SORCS2: variants seen among roughly 807,000 people sequenced by gnomAD.
SORCS2 encodes VPS10 domain-containing receptor SorCS2.
Under a neutral mutation model 141.6 loss-of-function variants are expected in SORCS2, and 100 were observed. That is an observed-to-expected ratio of 0.71 (90% CI 0.60 to 0.83). SORCS2 has a LOEUF of 0.83. Among genes scored for constraint, SORCS2 ranks in the 40% least tolerant of loss-of-function variants. The pLI is 0.00. For synonymous variants in SORCS2, 789 were observed against 676.9 expected, an observed-to-expected ratio of 1.17 and a Z score of -2.57; for missense variants, 1,646 against 1,560.2, an observed-to-expected ratio of 1.05 and a Z score of -0.93.
At chr4:7,704,083 C>T in intron 13 of SORCS2, 94 bp from the exon 14 acceptor site, 2 of 1,111,352 alleles carry the variant, frequency 1.8e-6, no homozygotes, top group Non-Finnish European at 2.7e-6. Flanking sequence ...GCTAGTGCAG[C>T]CTCCGCCCCT....
intron 3 of SORCS2, among the ~76,000 whole-genome samples, chr4:7,582,139 C>A (rs1716200705): frequency 6.6e-6 from 1 of 152,166 alleles, no homozygotes; most frequent in Admixed American, 6.5e-5. Flanking sequence ...CATTTATAGG[C>A]ATTAATTCCA....
chr4:7,420,765 G>A (rs1418522904), intron 2 of SORCS2, among the ~76,000 whole-genome samples: 2 of 152,290 alleles, frequency 1.3e-5, no homozygotes, highest in East Asian at 3.9e-4. Flanking sequence ...CGGTCCTGAG[G>A]CTTCTTCTTA....
chr4:7,718,451 G>A (rs1197084310), intron 18 of SORCS2, among the ~76,000 whole-genome samples: 1 of 152,216 alleles, frequency 6.6e-6, no homozygotes, highest in Admixed American at 6.5e-5. Context: ...AGAAGGAGAC[G>A]TGGTTTCACA....
chr4:7,685,771 G>A (rs370697900), intron 10 of SORCS2, among the ~76,000 whole-genome samples: 32 of 152,248 alleles, frequency 2.1e-4, no homozygotes, highest in African/African-American at 7.5e-4. Context: ...AAGGGTGAAA[G>A]TGCAGGGGCA....
intron 1 of SORCS2, among the ~76,000 whole-genome samples, chr4:7,291,086 G>A (rs1043910085): frequency 6.6e-5 from 10 of 152,106 alleles, no homozygotes; most frequent in African/African-American, 2.4e-4. Context: ...CATGGAGCAG[G>A]GGGGACAGCA....
intron 4 of SORCS2, among the ~76,000 whole-genome samples, chr4:7,639,811 G>C (rs540824163): frequency 6.6e-6 from 1 of 151,964 alleles, no homozygotes; most frequent in African/African-American, 2.4e-5. Context: ...GGTTGTGTTT[G>C]AGTGTGAGGG....
chr4:7,732,569 CTCCTGGGATAT>C, intron 23 of SORCS2, among the ~76,000 whole-genome samples: 1 of 152,174 alleles, frequency 6.6e-6, no homozygotes, highest in Non-Finnish European at 1.5e-5. Context: ...CCAGCACCAC[CTCCTGGGATAT>C]CCCTCCCTCA....
At chr4:7,342,524 GCTGTCTTGGGGGCCAAGATGTGTCCTTT>G (rs1444685690) in intron 1 of SORCS2, among the ~76,000 whole-genome samples, 2 of 152,146 alleles carry the variant, frequency 1.3e-5, no homozygotes, top group Non-Finnish European at 1.5e-5. Flanking sequence ...GCCTCTGGGG[GCTGTCTTGGGGGCCAAGATGTGTCCTTT>G]CACCCTTGGA....
intron 1 of SORCS2, among the ~76,000 whole-genome samples, chr4:7,273,452 A>T (rs1715273167): frequency 6.6e-6 from 1 of 152,300 alleles, no homozygotes; most frequent in East Asian, 1.9e-4. Flanking sequence ...GGTGTCTGCC[A>T]GGAGTGGGCT....
At chr4:7,547,217 C>A (rs937337067) in intron 3 of SORCS2, among the ~76,000 whole-genome samples, 44 of 152,284 alleles carry the variant, frequency 2.9e-4, no homozygotes, top group African/African-American at 9.9e-4. Flanking sequence ...AGTCTTAATA[C>A]TGGGCCTGTC....
At chr4:7,636,160 G>A (rs148135722) in intron 3 of SORCS2, among the ~76,000 whole-genome samples, 51 of 152,346 alleles carry the variant, frequency 3.3e-4, no homozygotes, top group African/African-American at 1.2e-3. Flanking sequence ...CCCATTCTGC[G>A]TAGGCGCACC....
chr4:7,209,714 G>A (rs1298764350), intron 1 of SORCS2, among the ~76,000 whole-genome samples: 1 of 150,384 alleles, frequency 6.6e-6, no homozygotes, highest in Non-Finnish European at 1.5e-5. Context: ...TCACCTCCCT[G>A]CTGTGGGGTC....
intron 11 of SORCS2, among the ~76,000 whole-genome samples, chr4:7,696,719 A>T (rs1288023738): frequency 6.6e-6 from 1 of 152,194 alleles, no homozygotes; most frequent in Non-Finnish European, 1.5e-5. Flanking sequence ...GCAGATAGTG[A>T]GACCCTGGTG....
intron 1 of SORCS2, among the ~76,000 whole-genome samples, chr4:7,222,385 A>G (rs1287564898): frequency 6.6e-6 from 1 of 152,228 alleles, no homozygotes; most frequent in African/African-American, 2.4e-5. Flanking sequence ...CCAGCCACGA[A>G]CAGCCACATA....
intron 1 of SORCS2, among the ~76,000 whole-genome samples, chr4:7,198,596 A>T (rs1466692394): frequency 6.6e-6 from 1 of 152,124 alleles, no homozygotes; most frequent in East Asian, 1.9e-4. Context: ...GAGGAAGTGC[A>T]TCTCTGTCGT....
At position 7,734,289 on chromosome 4, in the gene SORCS2, G is replaced by A. The variant is rs758161239; in HGVS notation, c.3226G>A (p.Gly1076Ser). 1.1e-5 allele frequency: 18 copies of A among 1,601,884 alleles called. No homozygotes were observed. Among genetic ancestry groups the A allele is most frequent in the South Asian group, 7.9e-5 (7 of 88,102 alleles). ...GCTTGCAGGTGCTGAGCAGCTGGGC[G>A]GCGGTGGCGGCTACTGGGCGGTAGT... ...DTGTGAEQLG[G>S]GGGYWAVVVL... Residue 1076 changes from glycine (G) to serine (S), a missense_variant, in exon 25 of 27, where the codon GGC (glycine) becomes AGC (serine). Transcript: ENST00000507866.
intron 1 of SORCS2, among the ~76,000 whole-genome samples, chr4:7,338,447 A>ATGG (rs1560203710): frequency 3.6e-5 from 3 of 83,670 alleles, no homozygotes; most frequent in South Asian, 3.6e-4. Context: ...TGGATGGATG[A>ATGG]ATGGCCTGCC....
chr4:7,550,649 ACCCT>A (rs1713628573), intron 3 of SORCS2, among the ~76,000 whole-genome samples: 1 of 152,190 alleles, frequency 6.6e-6, no homozygotes, highest in African/African-American at 2.4e-5. Flanking sequence ...ATGTCTGCCC[ACCCT>A]GTGTCTCTAG....
chr4:7,574,434 TC>T (rs1338807981), intron 3 of SORCS2, among the ~76,000 whole-genome samples: 12 of 152,216 alleles, frequency 7.9e-5, no homozygotes, highest in Non-Finnish European at 1.5e-4. Context: ...GACGTGTTCT[TC>T]CAGCTCTCGC....
Sources: allele counts gnomAD v4.1 joint callset (sites outside exome capture counted in the v4.1 genomes callset), GRCh38; gene constraint gnomAD v4.1.1; transcripts MANE v1.5; gene names NCBI Gene and HGNC (gene_info 2026-07-23, HGNC 2026-07-21).